DGKD: variants seen among roughly 807,000 people sequenced by gnomAD.
DGKD encodes the protein DAG kinase delta.
DGKD carries 68 observed loss-of-function variants against 154.4 expected under a neutral mutation model. That is an observed-to-expected ratio of 0.44 (90% CI 0.36 to 0.54). The LOEUF (loss-of-function observed/expected upper bound fraction) is 0.54, where lower values mean the gene tolerates loss of function less well. Ranked by LOEUF, DGKD falls within the 20% of genes least tolerant of loss-of-function variation. The probability of loss-of-function intolerance (pLI) is 0.00; values close to 1 mark genes in which losing one functional copy is unlikely to be tolerated. For synonymous variants in DGKD, 693 were observed against 638.0 expected, an observed-to-expected ratio of 1.09 and a Z score of -1.30; for missense variants, 1,343 against 1,593.6, an observed-to-expected ratio of 0.84 and a Z score of 2.68.
At chr2:233,437,279 C>T (rs2062729190) in intron 7 of DGKD, 98 bp from the exon 8 acceptor site, 2 of 1,122,198 alleles carry the variant, frequency 1.8e-6, no homozygotes, top group African/African-American at 1.5e-5. Context: ...AATCACCTGC[C>T]TCCCCCGAGG....
chr2:233,408,964 C>T (rs2061753722), intron 3 of DGKD: 1 of 152,216 alleles, frequency 6.6e-6, no homozygotes, highest in Admixed American at 6.5e-5. Flanking sequence ...AGCCAGGTTG[C>T]TCCTTGTGAG....
rs914142428 is a variant in DGKD at position 233,449,467 on chromosome 2, A to C, written c.1888+91A>C. The C allele has an allele frequency of 4.9e-5, 72 of 1,471,350 alleles. 1 individual carries two copies. The African/African-American group carries it at 8.5e-4, about 17-fold the overall frequency. The allele number at this position is 1,471,350 out of a possible 1,614,324, so 91.1% of individuals were successfully genotyped here. ...GAACACGGAGATGACAGAAGGGTGC[A>C]TGTTGAGAAAACCTCCACTGCGGCC... is the stretch of plus-strand genomic sequence containing the variant. On this transcript the variant is annotated intron_variant, in intron 15 of 29. Transcript: ENST00000264057. This position sits in a 1 kb window ranked among gnomAD's most constrained non-coding sequence, Gnocchi z 5.3.
rs75957883 is a variant in DGKD, at chr2:233,437,180, C to G, written c.820-197C>G. Among the ~76,000 whole-genome samples the G allele has an allele frequency of 7.2e-3, 1,100 of 152,312 alleles. 12 individuals carry two copies. Among genetic ancestry groups the G allele is most frequent in the African/African-American group, 0.025 (1,026 of 41,572 alleles). ...CCTGCCGGGTATTTCCGTGTTATGC[C>G]TTCTCAAGTGCAAAGCCAGGGCCCA... On this transcript the variant is annotated intron_variant, in intron 7 of 29. Coordinates refer to ENST00000264057, the MANE Select transcript of DGKD (RefSeq NM_152879.3).
intron 3 of DGKD, among the ~76,000 whole-genome samples, chr2:233,404,232 A>G (rs186269737): frequency 1.6e-4 from 24 of 152,242 alleles, no homozygotes; most frequent in African/African-American, 5.5e-4. Context: ...CAGATATTTC[A>G]TTGTGTAGAT....
In DGKD at chr2:233,457,238, C is replaced by T. The variant is rs557238756; in HGVS notation, c.2490C>T (p.Ile830=). 14 of 1,518,692 alleles carry T rather than the reference C, an allele frequency of 9.2e-6. No individual in the cohort carries two copies. The African/African-American group carries it at 1.8e-4, about 20-fold the overall frequency. 94.1% of individuals were successfully genotyped at this position (1,518,692 alleles called of 1,614,324 possible). A position where few individuals can be genotyped will look rare whatever the true frequency, so the allele number is the denominator to read the frequency against. The change falls in exon 21 of 30, where the codon ATC becomes ATT. Residue 830 remains isoleucine (I), a synonymous_variant. Transcript: ENST00000264057. The surrounding 1 kb of genome is among the most constrained non-coding windows in gnomAD (Gnocchi z 5.5). The part of the protein sequence containing the change: ...KVLLECDGRP[I]PLPSLQGIAV... The stretch of plus-strand genomic sequence containing the variant: ...CTGCTCAGTGTGACGGGCGACCCAT[C>T]CCACTCCCCAGTCTTCAGGGAATTG...
chr2:233,457,180 T>TA lies in DGKD; in HGVS notation c.2473-40dup. On this transcript the variant is annotated intron_variant, in intron 20 of 29. Coordinates refer to ENST00000264057, the MANE Select transcript of DGKD (RefSeq NM_152879.3). This position sits in a 1 kb window ranked among gnomAD's most constrained non-coding sequence, Gnocchi z 5.5. The stretch of plus-strand genomic sequence containing the variant: ...TGGTAGAGAAGGAGGGGCTGACTCA[T>TA]ACCTTTCTCTTTTCTTTTGTTCTGT... 6.8e-7 allele frequency: 1 copy of TA among 1,463,088 alleles called. No individual in the cohort carries two copies. The highest frequency in any genetic ancestry group is 9.2e-7 in the Non-Finnish European group (1 of 1,082,956). 90.6% of individuals were successfully genotyped at this position (1,463,088 alleles called of 1,614,324 possible).
intron 1 of DGKD, among the ~76,000 whole-genome samples, chr2:233,378,280 C>T (rs768782108): frequency 1.3e-5 from 2 of 151,900 alleles, no homozygotes; most frequent in South Asian, 2.1e-4. Flanking sequence ...GATGTGGTGG[C>T]GGGCGCCTGT....
Position 233,459,811 on chromosome 2 carries a change from G to C in DGKD, c.2749G>C (p.Asp917His). ...GGATGAGGGCGTGCCTGTGCAGGTGGACGGAGAGGCCTGGGTCCAGCCGCC... is the reference window on the plus strand; with the variant it reads ...GGATGAGGGCGTGCCTGTGCAGGTGCACGGAGAGGCCTGGGTCCAGCCGCC... Reference protein sequence around the residue: ...LGDEGVPVQVDGEAWVQPPGY... With the variant: ...LGDEGVPVQVHGEAWVQPPGY... Residue 917 changes from aspartate to histidine, a missense_variant, in exon 23 of 30, where the codon GAC becomes CAC. By Grantham distance (81) the Asp-to-His change is moderately conservative. Around this residue, in one of 6 missense-constraint regions of DGKD, gnomAD observed 429 missense variants for 496.3 expected, o/e 0.86. Transcript: ENST00000264057. The surrounding 1 kb of genome is among the most constrained non-coding windows in gnomAD (Gnocchi z 5.7). 1 of 1,614,152 alleles carries C rather than the reference G, an allele frequency of 6.2e-7. No individual in the cohort carries two copies. The highest frequency in any genetic ancestry group is 8.5e-7 in the Non-Finnish European group (1 of 1,180,028).
At chr2:233,418,734 A>G (rs78432486) in intron 3 of DGKD, among the ~76,000 whole-genome samples, 3 of 152,158 alleles carry the variant, frequency 2.0e-5, no homozygotes, top group Admixed American at 6.5e-5. Flanking sequence ...CTTCCCCCCA[A>G]AGCTGCTCTG....
At position 233,464,109 on chromosome 2, in the gene DGKD, G is replaced by A. The variant is rs550442761; in HGVS notation, c.3187-55G>A. On this transcript the variant is annotated intron_variant, in intron 26 of 29. Transcript: ENST00000264057. Reference sequence around the variant, plus strand: ...CGGACCTCACCCCCCTGGGCCTCGCGCTGATCAGCAGTGCACACTCTCCAT... The same window carrying A: ...CGGACCTCACCCCCCTGGGCCTCGCACTGATCAGCAGTGCACACTCTCCAT... 25 of 1,609,878 alleles carry A rather than the reference G, an allele frequency of 1.6e-5. 1 individual carries two copies. The East Asian group carries it at 2.5e-4, about 16-fold the overall frequency.
intron 3 of DGKD, among the ~76,000 whole-genome samples, chr2:233,410,466 T>C (rs557174676): frequency 1.3e-5 from 2 of 152,344 alleles, no homozygotes; most frequent in East Asian, 3.9e-4. Context: ...CTTTAAGGTA[T>C]CACTAGATAC....
At position 233,457,285 on chromosome 2, in the gene DGKD, A is replaced by G; in HGVS notation, c.2537A>G (p.Tyr846Cys). 6.5e-7 allele frequency: 1 copy of G among 1,532,438 alleles called. No homozygotes were observed. Among genetic ancestry groups the G allele is most frequent in the Non-Finnish European group, 8.8e-7 (1 of 1,139,924 alleles). The allele number at this position is 1,532,438 out of a possible 1,614,324, so 94.9% of individuals were successfully genotyped here. ...ATTGCTGTCCTTAACATTCCCAGCT[A>G]TGCCGGAGGAACCAACTTCTGGGGG... ...QGIAVLNIPS[Y>C]AGGTNFWGGT... is the part of the protein sequence containing the mutation. The change falls in exon 21 of 30, where the codon TAT becomes TGT. Residue 846 changes from tyrosine to cysteine, a missense_variant. Coordinates refer to ENST00000264057, the MANE Select transcript of DGKD (RefSeq NM_152879.3). The surrounding 1 kb of genome is among the most constrained non-coding windows in gnomAD (Gnocchi z 5.5).
At chr2:233,463,215 A>G (rs1454322575) in intron 26 of DGKD, among the ~76,000 whole-genome samples, 1 of 151,622 alleles carries the variant, frequency 6.6e-6, no homozygotes, top group Non-Finnish European at 1.5e-5. Context: ...CAACTGGAGA[A>G]CCGCCCCAGG....
chr2:233,397,914 C>T (rs2061459514), intron 3 of DGKD, among the ~76,000 whole-genome samples: 1 of 151,674 alleles, frequency 6.6e-6, no homozygotes, highest in Non-Finnish European at 1.5e-5. Flanking sequence ...GCTCAGGAGT[C>T]CAGAAGAGGG....
At chr2:233,463,381 CCTCA>C (rs2063718011) in intron 26 of DGKD, among the ~76,000 whole-genome samples, 1 of 144,820 alleles carries the variant, frequency 6.9e-6, no homozygotes, top group African/African-American at 2.5e-5. Flanking sequence ...CCACACATCT[CCTCA>C]CTCCACACAT....
intron 1 of DGKD, among the ~76,000 whole-genome samples, chr2:233,364,357 G>T (rs993755965): frequency 3.9e-5 from 6 of 152,200 alleles, no homozygotes; most frequent in African/African-American, 1.4e-4. Flanking sequence ...CTCAAGTTAA[G>T]CGTTAGAGTT....
chr2:233,388,740 C>CTTTTTTT (rs57415272), intron 2 of DGKD: 4 of 69,290 alleles, frequency 5.8e-5, no homozygotes, highest in Admixed American at 2.1e-4. Context: ...TATTGAAGTT[C>CTTTTTTT]TTTTTTTTTT....
chr2:233,398,436 C>T (rs1016425751), intron 3 of DGKD, among the ~76,000 whole-genome samples: 31 of 151,860 alleles, frequency 2.0e-4, no homozygotes, highest in African/African-American at 6.5e-4. Flanking sequence ...TGAGCCACCG[C>T]GCCCGGCCAA....
At position 233,449,370 on chromosome 2, in the gene DGKD, GA is replaced by G; in HGVS notation, c.1887del (p.Ala630LeufsTer59). The G allele has an allele frequency of 6.3e-7, 1 of 1,593,678 alleles. No individual in the cohort carries two copies. Among genetic ancestry groups the G allele is most frequent in the Non-Finnish European group, 8.6e-7 (1 of 1,163,310 alleles). On this transcript the variant is annotated frameshift_variant, in exon 15 of 30. Transcript: ENST00000264057. LOFTEE classifies it high-confidence loss of function. This position sits in a 1 kb window ranked among gnomAD's most constrained non-coding sequence, Gnocchi z 5.3. ...AATTCGTCAGATCATAGAACACACA[GA>G]AAAAGGTAACTGGCCTTGTGATGAG... is the stretch of plus-strand genomic sequence containing the variant. The part of the protein sequence containing the change: ...KAIRQIIEHT[E>X]KAVDEQNAQT...
Sources: gnomAD v4.1 joint callset for allele counts (sites outside exome capture counted in the v4.1 genomes callset) on GRCh38, gnomAD v4.1.1 for gene constraint, gnomAD v4.1.1 regional missense constraint, Gnocchi (gnomAD v3.1) non-coding constraint, MANE v1.5 for transcripts, NCBI Gene and HGNC (gene_info 2026-07-23, HGNC 2026-07-21) for gene names.